The following TRPC4AP variants were observed in gnomAD, a reference collection of about 807,000 sequenced individuals.
TRPC4AP encodes short transient receptor potential channel 4-associated protein.
A neutral mutation model predicts 99.0 loss-of-function variants in TRPC4AP; 45 were observed. The observed-to-expected ratio is 0.45, with a 90% CI of 0.36 to 0.58. The LOEUF is 0.58. Among genes scored for constraint, TRPC4AP ranks in the 20% least tolerant of loss-of-function variants. The pLI is 0.00. For synonymous variants in TRPC4AP, 408 were observed against 385.8 expected (o/e 1.06, Z -0.67); for missense variants, 879 against 985.3 (o/e 0.89, Z 1.44).
At chr20:35,060,650 G>GAAT (rs2083981555) in intron 3 of TRPC4AP, among the ~76,000 whole-genome samples, 1 of 147,764 alleles carries the variant, frequency 6.8e-6, no homozygotes, top group African/African-American at 2.5e-5. Context: ...TGACAAAGTG[G>GAAT]AATTTATCCC....
In TRPC4AP at chr20:35,003,491, C is replaced by G; in HGVS notation, c.2175G>C (p.Leu725=). ...GCAGCAGGTTGTGGAAGTTGTTGAG[C>G]AGGAAGCCGGGGTACTTCTTGCTGT... The part of the protein sequence containing the change: ...MEHSKKYPGF[L]LNNFHNLLRF... Residue 725 remains leucine, a synonymous_variant, in exon 18 of 19, where the codon CTG becomes CTC. Transcript: ENST00000252015. The G allele has an allele frequency of 6.2e-7, 1 of 1,614,100 alleles. No homozygotes were observed. Among genetic ancestry groups the G allele is most frequent in the Non-Finnish European group, 8.5e-7 (1 of 1,180,026 alleles).
rs2083523554 is a variant in TRPC4AP, at chr20:35,044,832, C to T, written c.658-120G>A. Reference sequence around the variant, plus strand: ...TGGCTAGATCACTTAGGTTCCTATCCCAGCTCTGTAACTTGCAGCTCTGAA... The same window carrying T: ...TGGCTAGATCACTTAGGTTCCTATCTCAGCTCTGTAACTTGCAGCTCTGAA... On this transcript the variant is annotated intron_variant, in intron 6 of 18. Coordinates refer to ENST00000252015, the MANE Select transcript of TRPC4AP (RefSeq NM_015638.3). The T allele has an allele frequency of 5.6e-6, 5 of 898,362 alleles. No homozygotes were observed. The Admixed American group carries it at 9.9e-5, about 18-fold the overall frequency. The allele number at this position is 898,362 out of a possible 1,614,324, so 55.6% of individuals were successfully genotyped here. A position where few individuals can be genotyped will look rare whatever the true frequency, so the allele number is the denominator to read the frequency against.
Position 35,003,046 on chromosome 20 carries a change from C to T in TRPC4AP, c.*100G>A, listed in dbSNP as rs2147255980. 6.6e-7 allele frequency: 1 copy of T among 1,514,548 alleles called. No individual in the cohort carries two copies. Among genetic ancestry groups the T allele is most frequent in the Non-Finnish European group, 8.9e-7 (1 of 1,118,054 alleles). 93.8% of individuals were successfully genotyped at this position (1,514,548 alleles called of 1,614,324 possible). On this transcript the variant is annotated 3_prime_UTR_variant, in exon 19 of 19. Coordinates refer to ENST00000252015, the MANE Select transcript of TRPC4AP (RefSeq NM_015638.3). ...CCTGTACCCAAAGACCTGGGGCAGG[C>T]AGAGAGCAGCAGGGAGGAACGGGAA... is the stretch of plus-strand genomic sequence containing the variant.
intron 4 of TRPC4AP, 54 bp downstream of exon 4, chr20:35,057,460 C>A: frequency 6.9e-7 from 1 of 1,446,218 alleles, no homozygotes; most frequent in Non-Finnish European, 9.6e-7. Context: ...CTGGGAACTG[C>A]CACCGTATCG....
chr20:35,022,287 C>T (rs1458117426), intron 8 of TRPC4AP, among the ~76,000 whole-genome samples: 1 of 152,228 alleles, frequency 6.6e-6, no homozygotes, highest in Non-Finnish European at 1.5e-5. Flanking sequence ...TCCCGAGTAG[C>T]TGGGACTACA....
In TRPC4AP at chr20:35,024,854, A is replaced by AAAAAAAAAAAAAAAAAAAAAAACAT. The variant is rs1479270980; in HGVS notation, c.1052-3499_1052-3498insATGTTTTTTTTTTTTTTTTTTTTTT. On this transcript the variant is annotated intron_variant, in intron 8 of 18. Transcript: ENST00000252015. ...AAAAAAAAAAAAAAAAAAAAAAAAA[A>AAAAAAAAAAAAAAAAAAAAAAACAT]ATTCTGTTTATTCATTAATCAGGTG... Among the ~76,000 whole-genome samples the AAAAAAAAAAAAAAAAAAAAAAACAT allele has an allele frequency of 6.7e-5, 6 of 89,480 alleles. 2 individuals are homozygous for AAAAAAAAAAAAAAAAAAAAAAACAT. Among genetic ancestry groups the AAAAAAAAAAAAAAAAAAAAAAACAT allele is most frequent in the Admixed American group, 3.0e-4 (2 of 6,640 alleles). The allele number at this position is 89,480 out of a possible 152,430, so 58.7% of individuals were successfully genotyped here.
Position 35,002,971 on chromosome 20 carries a change from C to T in TRPC4AP, c.*175G>A. On this transcript the variant is annotated 3_prime_UTR_variant, in exon 19 of 19. Coordinates refer to ENST00000252015, the MANE Select transcript of TRPC4AP (RefSeq NM_015638.3). ...GACTGAGGCTCTCCATGACCTAGGGCCCTCAGACCCAGGGGGACCAAGGGC... is the reference window on the plus strand; with the variant it reads ...GACTGAGGCTCTCCATGACCTAGGGTCCTCAGACCCAGGGGGACCAAGGGC... The T allele has an allele frequency of 1.3e-6, 1 of 791,700 alleles. No homozygotes were observed. The highest frequency in any genetic ancestry group is 2.0e-6 in the Non-Finnish European group (1 of 507,340). 49.0% of individuals were successfully genotyped at this position (791,700 alleles called of 1,614,324 possible).
chr20:35,021,419 C>G, intron 8 of TRPC4AP, 63 bp from the exon 9 acceptor site: 1 of 1,570,778 alleles, frequency 6.4e-7, no homozygotes. Context: ...TTCTGCCCCT[C>G]GAACCTGCTC....
chr20:35,059,530 C>G (rs773074642), intron 3 of TRPC4AP, among the ~76,000 whole-genome samples: 2 of 151,926 alleles, frequency 1.3e-5, no homozygotes, highest in Non-Finnish European at 2.9e-5. Context: ...CGTGGTGGTA[C>G]GCCTATAGTT....
intron 8 of TRPC4AP, among the ~76,000 whole-genome samples, chr20:35,026,369 G>T (rs1480196128): frequency 6.6e-6 from 1 of 151,984 alleles, no homozygotes; most frequent in African/African-American, 2.4e-5. Flanking sequence ...TGGGTGTCAC[G>T]AGGCTTGCCT....
chr20:35,067,028 A>G (rs2084162840), intron 3 of TRPC4AP, among the ~76,000 whole-genome samples: 1 of 152,258 alleles, frequency 6.6e-6, no homozygotes, highest in Non-Finnish European at 1.5e-5. Flanking sequence ...CAATATTCAA[A>G]AGAGATATAT....
intron 1 of TRPC4AP, among the ~76,000 whole-genome samples, chr20:35,088,450 A>C (rs563496998): frequency 1.3e-5 from 2 of 152,316 alleles, no homozygotes; most frequent in Non-Finnish European, 2.9e-5. Context: ...TGAATATCAA[A>C]TGGCTGGCAA....
At chr20:35,006,392 T>C (rs770507110) in intron 15 of TRPC4AP, 43 bp downstream of exon 15, 6 of 1,599,292 alleles carry the variant, frequency 3.8e-6, no homozygotes, top group Non-Finnish European at 5.1e-6. Context: ...GGTGAACTTC[T>C]GGACAACCCA....
intron 8 of TRPC4AP, among the ~76,000 whole-genome samples, chr20:35,029,175 C>A (rs538939947): frequency 6.6e-6 from 1 of 152,150 alleles, no homozygotes; most frequent in Non-Finnish European, 1.5e-5. Flanking sequence ...TGCTTGAACC[C>A]GGGAGGTGGA....
At chr20:35,049,255 T>TG (rs199716079) in intron 6 of TRPC4AP, among the ~76,000 whole-genome samples, 41 of 150,942 alleles carry the variant, frequency 2.7e-4, no homozygotes, top group African/African-American at 5.1e-4. Context: ...CGATCATAGC[T>TG]GTTTTTTTTT....
intron 8 of TRPC4AP, among the ~76,000 whole-genome samples, chr20:35,028,567 TG>T (rs1421280792): frequency 4.6e-5 from 7 of 152,224 alleles, no homozygotes; most frequent in Admixed American, 3.9e-4. Flanking sequence ...TTAAATTTGC[TG>T]AACTTTTTTT....
In TRPC4AP at chr20:35,008,559, C is replaced by T. The variant is rs375364633; in HGVS notation, c.1595+105G>A. On this transcript the variant is annotated intron_variant, in intron 13 of 18. Transcript: ENST00000252015. ...CCTCTCCCCAACAGTAATTGTGCTT[C>T]AGGAGGCATGGACGCTGGTGACTAA... The T allele has an allele frequency of 3.2e-6, 3 of 942,794 alleles. No individual in the cohort carries two copies. In the East Asian group the frequency reaches 7.3e-5, roughly 23 times the overall value. The allele number at this position is 942,794 out of a possible 1,614,324, so 58.4% of individuals were successfully genotyped here.
At chr20:35,066,890 A>G (rs1288162106) in intron 3 of TRPC4AP, among the ~76,000 whole-genome samples, 1 of 152,202 alleles carries the variant, frequency 6.6e-6, no homozygotes, top group Admixed American at 6.5e-5. Flanking sequence ...TCAAATCGAA[A>G]AAGGTGCAAA....
chr20:35,038,868 T>C (rs2147346424), intron 7 of TRPC4AP, among the ~76,000 whole-genome samples: 1 of 151,928 alleles, frequency 6.6e-6, no homozygotes, highest in Admixed American at 6.6e-5. Flanking sequence ...AGTTTGGGAG[T>C]TCAAGACCAG....
Sources: allele counts gnomAD v4.1 joint callset (sites outside exome capture counted in the v4.1 genomes callset), GRCh38; gene constraint gnomAD v4.1.1; transcripts MANE v1.5; gene names NCBI Gene and HGNC (gene_info 2026-07-23, HGNC 2026-07-21).